IL12RB2: variants seen among roughly 807,000 people sequenced by gnomAD.
The protein encoded by IL12RB2 is interleukin 12 receptor subunit beta 2, also known as interleukin-12 receptor subunit beta-2.
IL12RB2 carries 82 observed loss-of-function variants against 89.4 expected under a neutral mutation model. That is an observed-to-expected ratio of 0.92 (90% CI 0.77 to 1.10). The LOEUF (loss-of-function observed/expected upper bound fraction) is 1.10. IL12RB2 is among the 50% of genes least tolerant of loss of function. The pLI, the probability that IL12RB2 is intolerant of heterozygous loss-of-function variation, is 0.00. For synonymous variants in IL12RB2, 368 were observed against 370.1 expected (o/e 0.99, Z 0.07); for missense variants, 963 against 1,031.9 (o/e 0.93, Z 0.92).
At chr1:67,313,827 G>A (rs537636476) in intron 1 of IL12RB2, 86 bp from the exon 2 acceptor site, 1 of 152,168 alleles carries the variant, frequency 6.6e-6, no homozygotes, top group African/African-American at 2.4e-5. Flanking sequence ...CTGCATCAGA[G>A]AGAAAGAGAG....
intron 14 of IL12RB2, among the ~76,000 whole-genome samples, chr1:67,383,914 AGCCTTGGG>A (rs1475340988): frequency 2.0e-5 from 3 of 152,240 alleles, no homozygotes; most frequent in Admixed American, 2.0e-4. Context: ...GGGCTCCCAC[AGCCTTGGG>A]CAGCTCCACC....
intron 8 of IL12RB2, 53 bp from the exon 9 acceptor site, chr1:67,338,571 C>T: frequency 1.2e-6 from 1 of 864,252 alleles, no homozygotes; most frequent in Non-Finnish European, 2.0e-6. Context: ...GACCAGTTAA[C>T]TTTCAAAGTA....
At chr1:67,383,842 C>T (rs896597225) in intron 14 of IL12RB2, among the ~76,000 whole-genome samples, 3 of 152,236 alleles carry the variant, frequency 2.0e-5, no homozygotes, top group African/African-American at 7.2e-5. Flanking sequence ...CAAAAAATTG[C>T]AACCTCAGGC....
chr1:67,356,214 G>C (rs1017313965), intron 10 of IL12RB2, among the ~76,000 whole-genome samples: 3 of 152,222 alleles, frequency 2.0e-5, no homozygotes, highest in African/African-American at 7.2e-5. Flanking sequence ...CCCTGAAGCT[G>C]CTGCAGAGAG....
intron 15 of IL12RB2, 74 bp downstream of exon 15, chr1:67,386,743 C>T: frequency 1.0e-6 from 1 of 986,758 alleles, no homozygotes. Flanking sequence ...TGCCATGGGT[C>T]AGGGAAATGG....
Position 67,385,641 on chromosome 1 carries a change from C to T in IL12RB2, c.1856-938C>T, listed in dbSNP as rs142665678. ...AGCCTGTTACCTGGTTACTACTCAGCGAGTGCTGGATGAATTAATGGCCAA... is the reference window on the plus strand; with the variant it reads ...AGCCTGTTACCTGGTTACTACTCAGTGAGTGCTGGATGAATTAATGGCCAA... On this transcript the variant is annotated intron_variant, in intron 14 of 16. Coordinates refer to ENST00000674203, the MANE Select transcript of IL12RB2 (RefSeq NM_001374259.2). Among the ~76,000 whole-genome samples the T allele has an allele frequency of 1.2e-4, 19 of 152,306 alleles. No individual in the cohort carries two copies. The South Asian group carries it at 1.5e-3, about 12-fold the overall frequency.
intron 9 of IL12RB2, among the ~76,000 whole-genome samples, chr1:67,345,558 C>T (rs1449549155): frequency 9.2e-5 from 14 of 152,046 alleles, no homozygotes; most frequent in Admixed American, 9.2e-4. Flanking sequence ...ATTGTAAATC[C>T]CTAGTGAGGA....
intron 13 of IL12RB2, among the ~76,000 whole-genome samples, chr1:67,377,960 CTACAAAAA>C (rs1168987391): frequency 1.3e-5 from 2 of 151,862 alleles, no homozygotes; most frequent in African/African-American, 4.8e-5. Context: ...ACTCCCATCT[CTACAAAAA>C]TACAAAAATC....
At chr1:67,318,402 G>T (rs1656061565) in intron 2 of IL12RB2, among the ~76,000 whole-genome samples, 1 of 152,148 alleles carries the variant, frequency 6.6e-6, no homozygotes, top group Non-Finnish European at 1.5e-5. Context: ...CTGTGAAAAT[G>T]GCTTAGAAAG....
chr1:67,339,883 C>T (rs562282167), intron 9 of IL12RB2, among the ~76,000 whole-genome samples: 8 of 152,252 alleles, frequency 5.3e-5, no homozygotes, highest in South Asian at 2.1e-4. Flanking sequence ...CTGTGCGATT[C>T]GAATTGAGCT....
intron 8 of IL12RB2, among the ~76,000 whole-genome samples, chr1:67,331,630 G>A (rs1658084370): frequency 6.6e-6 from 1 of 152,066 alleles, no homozygotes; most frequent in Non-Finnish European, 1.5e-5. Flanking sequence ...ACGAGGTCAG[G>A]AGTTCGAGAC....
chr1:67,359,114 C>T lies in IL12RB2; in HGVS notation c.1258+8025C>T, dbSNP rs369112988. Among the ~76,000 whole-genome samples, 14 of 151,998 alleles carry T rather than the reference C, an allele frequency of 9.2e-5. 1 individual carries two copies. The East Asian group carries it at 2.5e-3, about 27-fold the overall frequency. ...CAAGATTGTGCCACTGAACTCCAGC[C>T]TAGGTGACAGAGCAGGACTCTGTCT... On this transcript the variant is annotated intron_variant, in intron 10 of 16. Transcript: ENST00000674203.
intron 13 of IL12RB2, among the ~76,000 whole-genome samples, chr1:67,375,970 C>G (rs1381669744): frequency 6.6e-6 from 1 of 151,840 alleles, no homozygotes; most frequent in Non-Finnish European, 1.5e-5. Flanking sequence ...CCTCAGCCTC[C>G]CGAGTAACTG....
At chr1:67,385,185 G>C (rs1399367177) in intron 14 of IL12RB2, among the ~76,000 whole-genome samples, 1 of 152,190 alleles carries the variant, frequency 6.6e-6, no homozygotes, top group Non-Finnish European at 1.5e-5. Flanking sequence ...AAAGGAAAGA[G>C]GTTTAATTGA....
chr1:67,337,214 A>G (rs1449457504), intron 8 of IL12RB2, among the ~76,000 whole-genome samples: 1 of 152,074 alleles, frequency 6.6e-6, no homozygotes, highest in Non-Finnish European at 1.5e-5. Flanking sequence ...GGTGGGACTT[A>G]ATTTTCTAGA....
intron 4 of IL12RB2, among the ~76,000 whole-genome samples, chr1:67,325,611 G>C (rs191612741): frequency 1.8e-4 from 28 of 152,332 alleles, no homozygotes; most frequent in Non-Finnish European, 1.5e-5. Flanking sequence ...AAAACTATAT[G>C]AGCTAGATAT....
chr1:67,363,980 C>A (rs1433269518), intron 10 of IL12RB2, among the ~76,000 whole-genome samples: 1 of 152,212 alleles, frequency 6.6e-6, no homozygotes, highest in African/African-American at 2.4e-5. Flanking sequence ...ATTACTCCAA[C>A]TCCATCAAGT....
intron 9 of IL12RB2, among the ~76,000 whole-genome samples, chr1:67,340,187 G>T (rs992870606): frequency 3.4e-4 from 51 of 152,174 alleles, no homozygotes; most frequent in Admixed American, 2.0e-3. Context: ...TATAAGAAGA[G>T]ACTACTATAA....
chr1:67,370,762 A>C (rs1435199725), intron 11 of IL12RB2, among the ~76,000 whole-genome samples: 1 of 152,138 alleles, frequency 6.6e-6, no homozygotes, highest in Non-Finnish European at 1.5e-5. Flanking sequence ...TCAGCCAGTA[A>C]AACAGGAGTT....
Sources: gnomAD v4.1 joint callset for allele counts (sites outside exome capture counted in the v4.1 genomes callset) on GRCh38, gnomAD v4.1.1 for gene constraint, MANE v1.5 for transcripts, NCBI Gene and HGNC (gene_info 2026-07-23, HGNC 2026-07-21) for gene names.